CLVS1: variants seen among roughly 807,000 people sequenced by gnomAD.
The protein encoded by CLVS1 is clavesin-1.
In CLVS1, 10 loss-of-function variants were observed where a neutral mutation model predicts 33.1. The observed-to-expected ratio is 0.30, with a 90% confidence interval of 0.19 to 0.51. CLVS1 has a LOEUF of 0.51. Among genes scored for constraint, CLVS1 ranks in the 20% least tolerant of loss-of-function variants. The probability of loss-of-function intolerance (pLI) is 0.97; values close to 1 mark genes in which losing one functional copy is unlikely to be tolerated. For synonymous variants in CLVS1, 163 were observed against 166.1 expected, an observed-to-expected ratio of 0.98 and a Z score of 0.14; for missense variants, 343 against 433.4, an observed-to-expected ratio of 0.79 and a Z score of 1.85.
chr8:61,496,365 G>A (rs1018468825), intron 5 of CLVS1, among the ~76,000 whole-genome samples: 2 of 152,186 alleles, frequency 1.3e-5, no homozygotes, highest in Admixed American at 6.5e-5. Context: ...GTTGGCCTGT[G>A]TCTCTGGTTG....
intron 2 of CLVS1, among the ~76,000 whole-genome samples, chr8:61,278,487 C>G: frequency 6.6e-6 from 1 of 152,074 alleles, no homozygotes; most frequent in East Asian, 1.9e-4. Context: ...CCTCCCATGT[C>G]TTGTTTTCAA....
At chr8:61,206,815 C>G (rs1006385756) in intron 2 of CLVS1, among the ~76,000 whole-genome samples, 1 of 152,114 alleles carries the variant, frequency 6.6e-6, no homozygotes. Context: ...TCTCGATCTC[C>G]TGACCTTGTG....
chr8:61,092,109 A>G (rs1184308802), intron 1 of CLVS1, among the ~76,000 whole-genome samples: 1 of 152,240 alleles, frequency 6.6e-6, no homozygotes, highest in East Asian at 1.9e-4. Flanking sequence ...ATAATTGTTA[A>G]TGATTTCCAT....
chr8:61,220,460 GAT>G (rs1473351114), intron 2 of CLVS1, among the ~76,000 whole-genome samples: 5 of 152,168 alleles, frequency 3.3e-5, no homozygotes, highest in African/African-American at 1.2e-4. Flanking sequence ...TTGAAGATCA[GAT>G]AGTTGTAGAT....
chr8:61,477,777 G>GT (rs1445202580), intron 5 of CLVS1, among the ~76,000 whole-genome samples: 3 of 152,086 alleles, frequency 2.0e-5, no homozygotes, highest in South Asian at 4.2e-4. Flanking sequence ...TTTTTGAAGG[G>GT]TTTTTTGTGT....
chr8:61,372,090 G>T (rs1013117133), intron 2 of CLVS1, among the ~76,000 whole-genome samples: 2 of 152,124 alleles, frequency 1.3e-5, no homozygotes, highest in Non-Finnish European at 2.9e-5. Flanking sequence ...AAGGGTGGAA[G>T]AAATGTAAAT....
the CLVS1 span, among the ~76,000 whole-genome samples, chr8:61,042,411 C>T: frequency 0.21 from 31,337 of 152,010 alleles, 4,558 homozygotes; most frequent in African/African-American, 0.41. Flanking sequence ...CCATTCAGGC[C>T]GTGAAAACAA....
chr8:61,243,510 G>A (rs1451306317), intron 2 of CLVS1, among the ~76,000 whole-genome samples: 1 of 152,116 alleles, frequency 6.6e-6, no homozygotes, highest in Non-Finnish European at 1.5e-5. Context: ...GGCTTTAGTT[G>A]TCTATCACTG....
intron 2 of CLVS1, among the ~76,000 whole-genome samples, chr8:61,322,623 GT>G (rs1232800514): frequency 6.6e-6 from 1 of 152,132 alleles, no homozygotes; most frequent in Non-Finnish European, 1.5e-5. Context: ...ATATAGAGAA[GT>G]TTGTTGTTAA....
chr8:61,016,765 A>G, the CLVS1 span, among the ~76,000 whole-genome samples: 22 of 152,352 alleles, frequency 1.4e-4, no homozygotes, highest in Admixed American at 1.4e-3. Context: ...GACTCCCCAG[A>G]ATACAGAAGG....
At chr8:61,113,907 T>G (rs953324163) in intron 1 of CLVS1, among the ~76,000 whole-genome samples, 6 of 152,240 alleles carry the variant, frequency 3.9e-5, no homozygotes, top group African/African-American at 1.2e-4. Flanking sequence ...GTCTTGGGAT[T>G]GCAGGCTGAG....
At chr8:61,250,749 AT>A (rs1808925831) in intron 2 of CLVS1, among the ~76,000 whole-genome samples, 1 of 152,140 alleles carries the variant, frequency 6.6e-6, no homozygotes, top group Non-Finnish European at 1.5e-5. Context: ...AATGCATGTG[AT>A]TTTTGCACAT....
In CLVS1 at chr8:61,176,362, G is replaced by A. The variant is rs1013818650; in HGVS notation, c.-152+44502G>A. On this transcript the variant is annotated intron_variant, in intron 2 of 2. Coordinates refer to the CLVS1 transcript ENST00000522621. ...TCCACCTGGCTCACACACTAACCCCGGACTCATAAACAAGCCCAGCCAAGA... is the reference window on the plus strand; with the variant it reads ...TCCACCTGGCTCACACACTAACCCCAGACTCATAAACAAGCCCAGCCAAGA... 7.3e-4 allele frequency among the ~76,000 whole-genome samples: 111 copies of A among 152,200 alleles called. 1 individual carries two copies. The highest frequency in any genetic ancestry group is 2.6e-3 in the African/African-American group (109 of 41,538).
At chr8:61,019,920 C>G in the CLVS1 span, among the ~76,000 whole-genome samples, 1 of 152,194 alleles carries the variant, frequency 6.6e-6, no homozygotes, top group Admixed American at 6.5e-5. Flanking sequence ...TTTCAGGGAG[C>G]TTGCAGCCCA....
chr8:61,153,620 C>A (rs1806589255), intron 2 of CLVS1, among the ~76,000 whole-genome samples: 1 of 152,102 alleles, frequency 6.6e-6, no homozygotes, highest in African/African-American at 2.4e-5. Context: ...GGTCGGGGAG[C>A]TGAGAGACTG....
chr8:61,365,520 A>G (rs1233066064), intron 2 of CLVS1, among the ~76,000 whole-genome samples: 1 of 124,324 alleles, frequency 8.0e-6, no homozygotes, highest in African/African-American at 2.7e-5. Flanking sequence ...AGAGTGAAAC[A>G]CCATGTCAAA....
chr8:61,309,551 A>G (rs572765413), intron 2 of CLVS1, among the ~76,000 whole-genome samples: 1 of 148,200 alleles, frequency 6.7e-6, no homozygotes, highest in East Asian at 2.9e-4. Flanking sequence ...TTACTTTCTC[A>G]TGTAGAAAAA....
rs528786564 is a variant in CLVS1, at chr8:61,192,876, G to A, written c.-152+61016G>A. 5.3e-5 allele frequency among the ~76,000 whole-genome samples: 8 copies of A among 152,274 alleles called. No homozygotes were observed. In the East Asian group the frequency reaches 1.5e-3, roughly 29 times the overall value. On this transcript the variant is annotated intron_variant, in intron 2 of 2. Coordinates refer to the CLVS1 transcript ENST00000522621. ...ATTAAAAAGTCAGGAAACAGCAGGT[G>A]CTGGAGAGGACGTGGAGAAATAGGA...
chr8:61,322,381 A>AT (rs1811225065), intron 2 of CLVS1, among the ~76,000 whole-genome samples: 1 of 152,168 alleles, frequency 6.6e-6, no homozygotes, highest in African/African-American at 2.4e-5. Context: ...TTGACTATAA[A>AT]TTGGTGTCAT....
Sources: gnomAD v4.1 joint callset for allele counts (sites outside exome capture counted in the v4.1 genomes callset) on GRCh38, gnomAD v4.1.1 for gene constraint, MANE v1.5 for transcripts, NCBI Gene and HGNC (gene_info 2026-07-23, HGNC 2026-07-21) for gene names.